The following GJB1 variants were observed in gnomAD, a reference collection of about 807,000 sequenced individuals.
GJB1 encodes gap junction beta-1 protein.
GJB1 carries 1 observed loss-of-function variant against 12.0 expected under a neutral mutation model. The observed-to-expected ratio is 0.08, with a 90% CI of 0.03 to 0.40. The LOEUF (loss-of-function observed/expected upper bound fraction) is 0.40. GJB1 is among the 10% of genes least tolerant of loss of function. The pLI, the probability that GJB1 is intolerant of heterozygous loss-of-function variation, is 0.98. For synonymous variants in GJB1, 114 were observed against 102.8 expected, an observed-to-expected ratio of 1.11 and a Z score of -0.66; for missense variants, 140 against 250.3, an observed-to-expected ratio of 0.56 and a Z score of 2.97.
rs781639935 is a variant in GJB1, at chrX:71,224,253, C to T, written c.546C>T (p.Ser182=). 5.0e-6 allele frequency: 6 copies of T among 1,197,704 alleles called. No individual in the cohort carries two copies. Among genetic ancestry groups the T allele is most frequent in the Non-Finnish European group, 6.7e-6 (6 of 891,796 alleles). ...CCAACACAGTGGACTGCTTCGTGTC[C>T]CGCCCCACCGAGAAAACCGTCTTCA... ...PCPNTVDCFV[S]RPTEKTVFTV... The change falls in exon 2 of 2, where the codon TCC becomes TCT. Residue 182 remains serine (S), a synonymous_variant. Transcript: ENST00000361726.
chrX:71,224,707 C>A lies in GJB1; in HGVS notation c.*148C>A. 1 of 575,710 alleles carries A rather than the reference C, an allele frequency of 1.7e-6. No homozygotes were observed. The highest frequency in any genetic ancestry group is 2.9e-6 in the Non-Finnish European group (1 of 346,209). The allele number at this position is 575,710 out of a possible 1,213,427, so 47.4% of individuals were successfully genotyped here. ...CTGGCTACTTCCCTTCCTCCCGGGG[C>A]CTTCCTTTTGAGGAGCTGGAGGGGT... On this transcript the variant is annotated 3_prime_UTR_variant, in exon 2 of 2. Coordinates refer to ENST00000361726, the MANE Select transcript of GJB1 (RefSeq NM_000166.6).
intron 1 of GJB1, among the ~76,000 whole-genome samples, chrX:71,216,118 G>A (rs774422493): frequency 1.4e-4 from 16 of 110,603 alleles, no homozygotes; most frequent in East Asian, 2.8e-4. Context: ...TGATCTGCCC[G>A]CTTCGGCCTC....
chrX:71,219,150 C>T (rs868283943), upstream of GJB1, among the ~76,000 whole-genome samples: 1 of 98,053 alleles, frequency 1.0e-5, no homozygotes, highest in African/African-American at 3.8e-5. Flanking sequence ...TTGAGGTGGT[C>T]TTATTATTAT....
Position 71,223,615 on chromosome X carries a change from G to A in GJB1, c.-16-77G>A, listed in dbSNP as rs1015970862. 2 of 935,991 alleles carry A rather than the reference G, an allele frequency of 2.1e-6. 1 individual carries two copies. Among genetic ancestry groups the A allele is most frequent in the Admixed American group, 4.4e-5 (2 of 45,538 alleles). The allele number at this position is 935,991 out of a possible 1,213,427, so 77.1% of individuals were successfully genotyped here. A position where few individuals can be genotyped will look rare whatever the true frequency, so the allele number is the denominator to read the frequency against. ...TGGCTCTTGGAAGAGTTGAGGGGGG[G>A]TGCGCAGGCAGTGCTATGGCGCCCG... On this transcript the variant is annotated intron_variant, in intron 1 of 1. Coordinates refer to ENST00000361726, the MANE Select transcript of GJB1 (RefSeq NM_000166.6).
chrX:71,218,249 G>A (rs781621773), upstream of GJB1, among the ~76,000 whole-genome samples: 1 of 109,933 alleles, frequency 9.1e-6, no homozygotes, highest in African/African-American at 3.3e-5. Context: ...CAGAGAGCGT[G>A]CCACTGTACT....
chrX:71,218,291 C>CA (rs1191785689), upstream of GJB1, among the ~76,000 whole-genome samples: 92 of 99,023 alleles, frequency 9.3e-4, no homozygotes, highest in Non-Finnish European at 1.6e-3. Context: ...GACTCCATCT[C>CA]AAAAAAAAAG....
upstream of GJB1, among the ~76,000 whole-genome samples, chrX:71,221,165 C>G (rs746066329): frequency 1.8e-4 from 20 of 110,858 alleles, no homozygotes; most frequent in African/African-American, 6.6e-4. Context: ...GGATTACAGG[C>G]GTGAGCCACC....
upstream of GJB1, among the ~76,000 whole-genome samples, chrX:71,220,194 C>T (rs1453353897): frequency 1.4e-5 from 1 of 71,633 alleles, no homozygotes. Flanking sequence ...AGACACCTGG[C>T]TAATTTTTTG....
At chrX:71,215,649 T>A (rs1279386204) in intron 1 of GJB1, among the ~76,000 whole-genome samples, 1 of 111,054 alleles carries the variant, frequency 9.0e-6, no homozygotes. Flanking sequence ...AGGGTTAGGG[T>A]TTAGTGGGAA....
upstream of GJB1, among the ~76,000 whole-genome samples, chrX:71,219,715 A>G (rs189334169): frequency 0.013 from 1,013 of 78,921 alleles, 27 homozygotes; most frequent in African/African-American, 0.049. Context: ...CGGAGCTTGC[A>G]GTGAGCTGAG....
Position 71,224,499 on chromosome X carries a change from C to A in GJB1, c.792C>A (p.Arg264=), listed in dbSNP as rs751486192. Residue 264 remains arginine (R), a synonymous_variant, in exon 2 of 2, where the codon CGC becomes CGA. Transcript: ENST00000361726. ...EQDGSLKDIL[R]RSPGTGAGLA... ...ATGGCTCCCTGAAAGACATACTGCG[C>A]CGCAGCCCTGGCACCGGGGCTGGGC... 1 of 1,200,790 alleles carries A rather than the reference C, an allele frequency of 8.3e-7. No homozygotes were observed. The highest frequency in any genetic ancestry group is 3.0e-5 in the East Asian group (1 of 33,422).
At position 71,224,602 on chromosome X, in the gene GJB1, C is replaced by T. The variant is rs770941057; in HGVS notation, c.*43C>T. On this transcript the variant is annotated 3_prime_UTR_variant, in exon 2 of 2. Coordinates refer to ENST00000361726, the MANE Select transcript of GJB1 (RefSeq NM_000166.6). ...CCTCCCATCCCACCCCCGACCCTGC[C>T]CTGGGCGAGCCCCTCCTTCTCCCCT... 2.0e-6 allele frequency: 2 copies of T among 985,683 alleles called. No individual in the cohort carries two copies. Among genetic ancestry groups the T allele is most frequent in the East Asian group, 3.4e-5 (1 of 29,837 alleles). The allele number at this position is 985,683 out of a possible 1,213,427, so 81.2% of individuals were successfully genotyped here. A position where few individuals can be genotyped will look rare whatever the true frequency, so the allele number is the denominator to read the frequency against.
chrX:71,216,366 G>T (rs1336139624), intron 1 of GJB1, among the ~76,000 whole-genome samples: 1 of 110,196 alleles, frequency 9.1e-6, no homozygotes, highest in Non-Finnish European at 1.9e-5. Flanking sequence ...CTTGGGTGAG[G>T]GGCCAATACG....
Position 71,223,726 on chromosome X carries a change from T to C in GJB1, c.19T>C (p.Tyr7His). 8.3e-7 allele frequency: 1 copy of C among 1,210,651 alleles called. No individual in the cohort carries two copies. The highest frequency in any genetic ancestry group is 1.1e-6 in the Non-Finnish European group (1 of 894,735). MNWTGL[Y>H]TLLSGVNRHS... ...AGGCAGGATGAACTGGACAGGTTTGTACACCTTGCTCAGTGGCGTGAACCG... is the reference window on the plus strand; with the variant it reads ...AGGCAGGATGAACTGGACAGGTTTGCACACCTTGCTCAGTGGCGTGAACCG... Residue 7 changes from tyrosine (Y) to histidine (H), a missense_variant, in exon 2 of 2, where the codon TAC becomes CAC. By Grantham distance (83) the Tyr-to-His change is moderately conservative. Coordinates refer to ENST00000361726, the MANE Select transcript of GJB1 (RefSeq NM_000166.6).
chrX:71,218,929 G>A (rs1271871405), upstream of GJB1, among the ~76,000 whole-genome samples: 2 of 109,031 alleles, frequency 1.8e-5, no homozygotes, highest in African/African-American at 3.3e-5. Context: ...GCTTGACCTG[G>A]TTCAAATCCC....
chrX:71,222,388 G>A (rs1569214578), upstream of GJB1, among the ~76,000 whole-genome samples: 2 of 108,696 alleles, frequency 1.8e-5, no homozygotes, highest in Admixed American at 1.0e-4. Context: ...ACAGGCATGC[G>A]CCACCACACA....
At chrX:71,218,417 TA>T (rs1381364842), upstream of GJB1, among the ~76,000 whole-genome samples, 4 of 102,117 alleles carry the variant, frequency 3.9e-5, no homozygotes, top group African/African-American at 1.4e-4. Context: ...TCCCTGTTCC[TA>T]AAAAGTACCC....
Position 71,223,731 on chromosome X carries a change from C to A in GJB1, c.24C>A (p.Thr8=). 8.3e-7 allele frequency: 1 copy of A among 1,210,664 alleles called. No individual in the cohort carries two copies. Among genetic ancestry groups the A allele is most frequent in the Non-Finnish European group, 1.1e-6 (1 of 894,726 alleles). MNWTGLY[T]LLSGVNRHST... ...GGATGAACTGGACAGGTTTGTACAC[C>A]TTGCTCAGTGGCGTGAACCGGCATT... Residue 8 remains threonine, a synonymous_variant, in exon 2 of 2, where the codon ACC becomes ACA. Transcript: ENST00000361726.
chrX:71,216,094 CT>C (rs754785777), intron 1 of GJB1, among the ~76,000 whole-genome samples: 1 of 110,414 alleles, frequency 9.1e-6, no homozygotes, highest in East Asian at 2.9e-4. Context: ...TGGTCTCAAA[CT>C]CCCAACCTCA....
Sources: gnomAD v4.1 joint callset for allele counts (sites outside exome capture counted in the v4.1 genomes callset) on GRCh38, gnomAD v4.1.1 for gene constraint, MANE v1.5 for transcripts, NCBI Gene and HGNC (gene_info 2026-07-23, HGNC 2026-07-21) for gene names.